Variants in GPC6 observed in about 807,000 individuals in gnomAD.
GPC6 encodes the protein glypican 6, also known as glypican-6.
GPC6 carries 14 observed loss-of-function variants against 55.2 expected under a neutral mutation model. That is an observed-to-expected ratio of 0.25 (90% CI 0.17 to 0.40). The LOEUF (loss-of-function observed/expected upper bound fraction) is 0.40. Ranked by LOEUF, GPC6 falls within the 10% of genes least tolerant of loss-of-function variation. The pLI is 1.00. For missense variants in GPC6, 641 were observed against 708.5 expected, an observed-to-expected ratio of 0.90 and a Z score of 1.08; for synonymous variants, 278 against 259.6, an observed-to-expected ratio of 1.07 and a Z score of -0.68.
chr13:93,996,963 C>A (rs921623912), intron 3 of GPC6, among the ~76,000 whole-genome samples: 2 of 152,090 alleles, frequency 1.3e-5, no homozygotes, highest in Non-Finnish European at 2.9e-5. Flanking sequence ...TGGTGAAGCA[C>A]AATTACCTCA....
At chr13:93,392,631 C>T (rs768516003) in intron 1 of GPC6, among the ~76,000 whole-genome samples, 5 of 152,210 alleles carry the variant, frequency 3.3e-5, no homozygotes, top group African/African-American at 1.2e-4. Flanking sequence ...GGGAACCAGA[C>T]GGCCAGGGAG....
chr13:93,233,301 G>A (rs1347583200), intron 1 of GPC6, among the ~76,000 whole-genome samples: 2 of 150,770 alleles, frequency 1.3e-5, no homozygotes, highest in Non-Finnish European at 2.9e-5. Context: ...TTTAATAACC[G>A]TGGATGAAAA....
chr13:93,797,576 TTAAC>T (rs1247451640), intron 2 of GPC6, among the ~76,000 whole-genome samples: 2 of 152,192 alleles, frequency 1.3e-5, no homozygotes, highest in East Asian at 3.8e-4. Context: ...AGTTGCCAGT[TTAAC>T]TATAAGGAAG....
chr13:93,252,594 G>T (rs552963250), intron 1 of GPC6, among the ~76,000 whole-genome samples: 1 of 152,184 alleles, frequency 6.6e-6, no homozygotes, highest in African/African-American at 2.4e-5. Flanking sequence ...TATAGTGTTT[G>T]TCTCTTTATT....
chr13:93,409,886 A>C (rs779604985), intron 1 of GPC6, among the ~76,000 whole-genome samples: 5 of 152,208 alleles, frequency 3.3e-5, no homozygotes, highest in Non-Finnish European at 5.9e-5. Flanking sequence ...GTGTAAAAGA[A>C]AACAAAATAA....
chr13:94,039,015 G>A (rs1454134352), intron 4 of GPC6, among the ~76,000 whole-genome samples: 1 of 151,906 alleles, frequency 6.6e-6, no homozygotes, highest in Non-Finnish European at 1.5e-5. Context: ...TCCCAGCAGA[G>A]ATGGCCTTAC....
chr13:94,205,270 G>A (rs959607603), intron 4 of GPC6, among the ~76,000 whole-genome samples: 5 of 152,100 alleles, frequency 3.3e-5, no homozygotes, highest in Non-Finnish European at 5.9e-5. Flanking sequence ...GGGACTTAAG[G>A]TTGCACTTGA....
At chr13:94,082,608 C>T (rs1490032048) in intron 4 of GPC6, among the ~76,000 whole-genome samples, 1 of 152,148 alleles carries the variant, frequency 6.6e-6, no homozygotes, top group Non-Finnish European at 1.5e-5. Flanking sequence ...TCCGCAGGGC[C>T]CAGCATTCCA....
chr13:93,221,613 A>G, the GPC6 span, among the ~76,000 whole-genome samples: 2 of 152,226 alleles, frequency 1.3e-5, no homozygotes, highest in Non-Finnish European at 2.9e-5. Context: ...ATGAACTATT[A>G]GTATTTCATT....
At chr13:93,567,483 T>C (rs1321614134) in intron 2 of GPC6, among the ~76,000 whole-genome samples, 4 of 152,076 alleles carry the variant, frequency 2.6e-5, no homozygotes, top group Non-Finnish European at 4.4e-5. Context: ...TGAAACTTTT[T>C]TTTTTGTATT....
intron 4 of GPC6, among the ~76,000 whole-genome samples, chr13:94,253,013 G>C (rs1039702674): frequency 6.6e-6 from 1 of 151,894 alleles, no homozygotes; most frequent in African/African-American, 2.4e-5. Flanking sequence ...GTTTAGACTG[G>C]TGTCAGGAAT....
chr13:94,354,494 A>C (rs1878701008), intron 6 of GPC6, among the ~76,000 whole-genome samples: 1 of 152,244 alleles, frequency 6.6e-6, no homozygotes, highest in Admixed American at 6.5e-5. Context: ...GATGATCAAA[A>C]TAAATTTCAC....
At chr13:94,394,615 C>T (rs1231589759) in intron 7 of GPC6, among the ~76,000 whole-genome samples, 1 of 152,144 alleles carries the variant, frequency 6.6e-6, no homozygotes, top group African/African-American at 2.4e-5. Flanking sequence ...GTGGGGCTTT[C>T]ACAGACCCTT....
At chr13:93,517,089 G>C (rs969582149) in intron 1 of GPC6, among the ~76,000 whole-genome samples, 1 of 152,008 alleles carries the variant, frequency 6.6e-6, no homozygotes, top group African/African-American at 2.4e-5. Flanking sequence ...CATAGACAAA[G>C]AGAGAATTAC....
intron 2 of GPC6, among the ~76,000 whole-genome samples, chr13:93,546,862 GA>G (rs1874818245): frequency 6.6e-6 from 1 of 152,046 alleles, no homozygotes; most frequent in Non-Finnish European, 1.5e-5. Context: ...AACAAACAAA[GA>G]AAGAAACAAG....
chr13:93,369,160 C>T (rs1311609273), intron 1 of GPC6, among the ~76,000 whole-genome samples: 1 of 151,854 alleles, frequency 6.6e-6, no homozygotes, highest in Non-Finnish European at 1.5e-5. Context: ...TCCATTGACA[C>T]TACAGATTAT....
chr13:94,047,823 G>T (rs757367443), intron 4 of GPC6, among the ~76,000 whole-genome samples: 1 of 152,020 alleles, frequency 6.6e-6, no homozygotes, highest in Admixed American at 6.6e-5. Flanking sequence ...ATTCTCAACT[G>T]CTGTGGAAAC....
Position 94,050,619 on chromosome 13 carries a change from C to T in GPC6, c.877+22725C>T, listed in dbSNP as rs146921476. Among the ~76,000 whole-genome samples, 571 of 152,268 alleles carry T rather than the reference C, an allele frequency of 3.7e-3. 6 individuals carry two copies. The highest frequency in any genetic ancestry group is 0.013 in the African/African-American group (550 of 41,560). On this transcript the variant is annotated intron_variant, in intron 4 of 8. Transcript: ENST00000377047. ...TGCACCAATAGACGTTATTGCTAGACTCAGACTTCTGGGTGACCTCCTGGC... is the reference window on the plus strand; with the variant it reads ...TGCACCAATAGACGTTATTGCTAGATTCAGACTTCTGGGTGACCTCCTGGC...
chr13:93,963,426 A>G (rs1594624949), intron 3 of GPC6, among the ~76,000 whole-genome samples: 2 of 152,200 alleles, frequency 1.3e-5, no homozygotes, highest in African/African-American at 2.4e-5. Flanking sequence ...GGTGATGCAA[A>G]CATCTTCCAC....
Sources: gnomAD v4.1 joint callset for allele counts (sites outside exome capture counted in the v4.1 genomes callset) on GRCh38, gnomAD v4.1.1 for gene constraint, MANE v1.5 for transcripts, NCBI Gene and HGNC (gene_info 2026-07-23, HGNC 2026-07-21) for gene names.